The following PCDH11Y variants were observed in gnomAD, a reference collection of about 807,000 sequenced individuals.
PCDH11Y encodes protocadherin 11 Y-linked.
For synonymous variants in PCDH11Y, 9 were observed against 83.6 expected (o/e 0.11, Z 4.87); for missense variants, 12 against 224.8 (o/e 0.05, Z 6.05).
intron 2 of PCDH11Y, among the ~76,000 whole-genome samples, chrY:5,150,848 C>G: frequency 3.0e-5 from 1 of 33,219 alleles, no homozygotes; most frequent in Admixed American, 2.7e-4. Flanking sequence ...TCATTTAATT[C>G]TCATAATAAC....
At chrY:5,458,178 T>C (rs1324331451) in intron 2 of PCDH11Y, among the ~76,000 whole-genome samples, 2 of 31,915 alleles carry the variant, frequency 6.3e-5, no homozygotes, top group Non-Finnish European at 1.5e-4. Context: ...AGATGAATAA[T>C]TTGTGATTTA....
chrY:5,003,737 C>A, intron 1 of PCDH11Y, among the ~76,000 whole-genome samples: 3 of 33,464 alleles, frequency 9.0e-5, no homozygotes, highest in African/African-American at 3.5e-4. Flanking sequence ...CTCTTATAGT[C>A]CTAAGGAGCA....
At chrY:5,008,210 CCTA>C (rs2124617651) in intron 1 of PCDH11Y, among the ~76,000 whole-genome samples, 1 of 29,197 alleles carries the variant, frequency 3.4e-5, no homozygotes, top group East Asian at 8.8e-4. Context: ...ATCCTACTAT[CCTA>C]CTGTCATTTT....
chrY:5,704,829 T>C (rs2053581882), intron 4 of PCDH11Y, among the ~76,000 whole-genome samples: 1 of 33,507 alleles, frequency 3.0e-5, no homozygotes, highest in Non-Finnish European at 7.4e-5. Flanking sequence ...ATTTCAATAA[T>C]ACCCATAATA....
intron 2 of PCDH11Y, among the ~76,000 whole-genome samples, chrY:5,407,684 C>T: frequency 3.1e-5 from 1 of 31,783 alleles, no homozygotes; most frequent in Non-Finnish European, 7.6e-5. Flanking sequence ...GAGGCCAAGG[C>T]GGGCAGATCA....
intron 1 of PCDH11Y, among the ~76,000 whole-genome samples, chrY:5,009,206 A>G (rs2124617795): frequency 2.7e-4 from 9 of 33,494 alleles, no homozygotes; most frequent in Admixed American, 5.4e-4. Context: ...TCTTATCAGA[A>G]AGTTAAATGT....
At chrY:5,121,922 A>C (rs1602871470) in intron 2 of PCDH11Y, among the ~76,000 whole-genome samples, 45 of 33,019 alleles carry the variant, frequency 1.4e-3, no homozygotes, top group Admixed American at 3.0e-3. Flanking sequence ...TTAACAAAAT[A>C]AGGAAGAAAC....
chrY:5,725,063 T>C (rs2124714493), intron 4 of PCDH11Y, among the ~76,000 whole-genome samples: 1 of 32,382 alleles, frequency 3.1e-5, no homozygotes, highest in South Asian at 6.9e-4. Flanking sequence ...TCACCTGAGG[T>C]TGGGAGTTCG....
intron 3 of PCDH11Y, among the ~76,000 whole-genome samples, chrY:5,505,165 C>G: frequency 1.8e-4 from 6 of 32,905 alleles, no homozygotes; most frequent in African/African-American, 5.8e-4. Flanking sequence ...AATAAAATAG[C>G]CATAATTCTT....
At chrY:5,545,717 T>C (rs2053412436) in intron 3 of PCDH11Y, among the ~76,000 whole-genome samples, 1 of 32,545 alleles carries the variant, frequency 3.1e-5, no homozygotes, top group African/African-American at 1.2e-4. Flanking sequence ...TTGTAGTGTA[T>C]GTATGGAAAA....
At chrY:5,102,606 A>C, downstream of PCDH11Y, among the ~76,000 whole-genome samples, 1 of 31,851 alleles carries the variant, frequency 3.1e-5, no homozygotes, top group East Asian at 8.1e-4. Context: ...GGCATGGATG[A>C]AGAACAAAAA....
At chrY:5,658,150 C>G (rs2053538223) in intron 4 of PCDH11Y, among the ~76,000 whole-genome samples, 1 of 34,728 alleles carries the variant, frequency 2.9e-5, no homozygotes, top group Non-Finnish European at 7.3e-5. Context: ...TAAAGAACAC[C>G]CTTTAGCATT....
intron 2 of PCDH11Y, among the ~76,000 whole-genome samples, chrY:5,225,184 C>T: frequency 3.2e-5 from 1 of 31,508 alleles, no homozygotes; most frequent in Non-Finnish European, 7.6e-5. Context: ...ACTATGGTCA[C>T]CCTATTGTGC....
intron 4 of PCDH11Y, among the ~76,000 whole-genome samples, chrY:5,646,244 A>G (rs2124705626): frequency 3.0e-5 from 1 of 33,374 alleles, no homozygotes; most frequent in Non-Finnish European, 7.4e-5. Context: ...AGGTGCAGAA[A>G]GACAAACATT....
chrY:5,371,101 C>T, intron 2 of PCDH11Y, among the ~76,000 whole-genome samples: 1 of 32,556 alleles, frequency 3.1e-5, no homozygotes, highest in African/African-American at 1.2e-4. Flanking sequence ...AAAAACTGAA[C>T]TATTATTTTG....
intron 2 of PCDH11Y, among the ~76,000 whole-genome samples, chrY:5,280,962 T>C (rs200306772): frequency 3.0e-5 from 1 of 33,103 alleles, no homozygotes; most frequent in East Asian, 7.9e-4. Flanking sequence ...ATTGTTTGTG[T>C]GGTTTTTTTT....
upstream of PCDH11Y, among the ~76,000 whole-genome samples, chrY:5,051,976 C>T: frequency 3.1e-5 from 1 of 32,303 alleles, no homozygotes; most frequent in Non-Finnish European, 7.5e-5. Flanking sequence ...ATTTGTCTTT[C>T]TCCCAGTGTG....
At chrY:5,278,219 C>T (rs2053046965) in intron 2 of PCDH11Y, among the ~76,000 whole-genome samples, 1 of 27,324 alleles carries the variant, frequency 3.7e-5, no homozygotes, top group South Asian at 9.5e-4. Context: ...GGCACAATCT[C>T]GGCTCACTGC....
chrY:5,372,909 CCTTCCT>C (rs1569343956), intron 2 of PCDH11Y, among the ~76,000 whole-genome samples: 725 of 5,190 alleles, frequency 0.14, no homozygotes, highest in African/African-American at 0.38. Context: ...TTCCTTCCTT[CCTTCCT>C]TCCCTCCCTC....
Sources: gnomAD v4.1 joint callset for allele counts (sites outside exome capture counted in the v4.1 genomes callset) on GRCh38, gnomAD v4.1.1 for gene constraint, MANE v1.5 for transcripts, NCBI Gene and HGNC (gene_info 2026-07-23, HGNC 2026-07-21) for gene names.